Variants in ANKS1A observed in about 807,000 individuals in gnomAD.
ANKS1A encodes ankyrin repeat and SAM domain-containing protein 1A.
ANKS1A carries 55 observed loss-of-function variants against 120.3 expected under a neutral mutation model. That is an observed-to-expected ratio of 0.46 (90% CI 0.37 to 0.57). The LOEUF is 0.57. Ranked by LOEUF, ANKS1A falls within the 20% of genes least tolerant of loss-of-function variation. The probability of loss-of-function intolerance (pLI) is 0.00; values close to 1 mark genes in which losing one functional copy is unlikely to be tolerated. For missense variants in ANKS1A, 1,123 were observed against 1,480.3 expected, an observed-to-expected ratio of 0.76 and a Z score of 3.96; for synonymous variants, 590 against 604.7, an observed-to-expected ratio of 0.98 and a Z score of 0.36.
chr6:34,982,682 C>T lies in ANKS1A; in HGVS notation c.733-70C>T. 4.1e-6 allele frequency: 6 copies of T among 1,454,150 alleles called. No individual in the cohort carries two copies. The highest frequency in any genetic ancestry group is 2.3e-5 in the East Asian group (1 of 43,996). 90.1% of individuals were successfully genotyped at this position (1,454,150 alleles called of 1,614,324 possible). ...TTTGTGTCCCTTCTTGTCTGTGTCC[C>T]CTTTGTCACGTGAAGCCGCACCAAA... On this transcript the variant is annotated intron_variant, in intron 4 of 23. Transcript: ENST00000360359. This position sits in a 1 kb window ranked among gnomAD's most constrained non-coding sequence, Gnocchi z 4.9.
chr6:34,931,828 A>G (rs1198739590), intron 1 of ANKS1A, among the ~76,000 whole-genome samples: 1 of 152,228 alleles, frequency 6.6e-6, no homozygotes, highest in Non-Finnish European at 1.5e-5. Flanking sequence ...TCTGTGAAGG[A>G]CACTTGCAGA....
intron 16 of ANKS1A, 132 bp from the exon 17 acceptor site, chr6:35,080,862 T>C: frequency 9.1e-7 from 1 of 1,099,314 alleles, no homozygotes; most frequent in Admixed American, 2.4e-5. Flanking sequence ...CCTGTGGTGT[T>C]GGCCCCTTCG....
Position 35,017,570 on chromosome 6 carries a change from C to T in ANKS1A, c.1521C>T (p.Ser507=), listed in dbSNP as rs1774091829. ...EQFSGLLHGS[S]PVCEVGQDPF... Reference sequence around the variant, plus strand: ...TCTCAGGCCTCCTCCACGGCTCCTCCCCGGTGTGCGAGGTGGGGCAGGACC... The same window carrying T: ...TCTCAGGCCTCCTCCACGGCTCCTCTCCGGTGTGCGAGGTGGGGCAGGACC... Residue 507 remains serine, a synonymous_variant, in exon 11 of 24, where the codon TCC becomes TCT. Transcript: ENST00000360359. The T allele has an allele frequency of 1.9e-6, 3 of 1,613,954 alleles. No individual in the cohort carries two copies. The highest frequency in any genetic ancestry group is 1.3e-5 in the African/African-American group (1 of 74,938).
chr6:35,097,979 G>GT, the ANKS1A span, among the ~76,000 whole-genome samples: 1 of 152,220 alleles, frequency 6.6e-6, no homozygotes, highest in Admixed American at 6.5e-5. Flanking sequence ...TGTCAGAAGC[G>GT]TAAGTTGGAT....
intron 1 of ANKS1A, among the ~76,000 whole-genome samples, chr6:34,916,638 A>G (rs1768180810): frequency 6.6e-6 from 1 of 152,218 alleles, no homozygotes; most frequent in Admixed American, 6.5e-5. Context: ...GGTCTCTTGT[A>G]AAAGTCTTCC....
intron 13 of ANKS1A, among the ~76,000 whole-genome samples, chr6:35,077,452 T>C (rs1777427788): frequency 6.6e-6 from 1 of 152,224 alleles, no homozygotes; most frequent in Non-Finnish European, 1.5e-5. Context: ...TGTGCGAGAA[T>C]GGCATTTGTG....
At position 35,082,196 on chromosome 6, in the gene ANKS1A, T is replaced by C. The variant is rs1777720683; in HGVS notation, c.2710-495T>C. Among the ~76,000 whole-genome samples the C allele has an allele frequency of 6.6e-6, 1 of 151,712 alleles. No homozygotes were observed. Among genetic ancestry groups the C allele is most frequent in the Middle Eastern group, 3.2e-3 (1 of 316 alleles). On this transcript the variant is annotated intron_variant, in intron 17 of 23. Coordinates refer to ENST00000360359, the MANE Select transcript of ANKS1A (RefSeq NM_015245.3). The surrounding 1 kb of genome is among the most constrained non-coding windows in gnomAD (Gnocchi z 4.1). ...GACCGCAGTGGCCTCCCCCACCCCC[T>C]AGCTGCTGCCAGAAGGATCCATTTG...
At chr6:34,959,433 C>T (rs1463523131) in intron 1 of ANKS1A, among the ~76,000 whole-genome samples, 1 of 149,390 alleles carries the variant, frequency 6.7e-6, no homozygotes, top group Non-Finnish European at 1.5e-5. Flanking sequence ...TGGGCCAATT[C>T]CTTACATAGT....
At position 35,086,444 on chromosome 6, in the gene ANKS1A, C is replaced by T. The variant is rs1777987451; in HGVS notation, c.3303+508C>T. 1 of 1,012,204 alleles carries T rather than the reference C, an allele frequency of 9.9e-7. No homozygotes were observed. The highest frequency in any genetic ancestry group is 1.4e-6 in the Non-Finnish European group (1 of 735,632). The allele number at this position is 1,012,204 out of a possible 1,614,324, so 62.7% of individuals were successfully genotyped here. Reference sequence around the variant, plus strand: ...GAGCGCTCTTAGCCTCTGGCGGCCTCTCCCTCTGCCTGTGTGACATTCTTT... The same window carrying T: ...GAGCGCTCTTAGCCTCTGGCGGCCTTTCCCTCTGCCTGTGTGACATTCTTT... On this transcript the variant is annotated intron_variant, in intron 22 of 23. Transcript: ENST00000360359. This position sits in a 1 kb window ranked among gnomAD's most constrained non-coding sequence, Gnocchi z 5.1.
At chr6:34,969,975 G>A (rs1488483075) in intron 2 of ANKS1A, 35 bp from the exon 3 acceptor site, 1 of 1,606,156 alleles carries the variant, frequency 6.2e-7, no homozygotes, top group African/African-American at 1.3e-5. Flanking sequence ...AGACTTCTGA[G>A]TTCTACCAAC....
intron 1 of ANKS1A, among the ~76,000 whole-genome samples, chr6:34,937,990 C>G (rs539923977): frequency 6.6e-6 from 1 of 152,276 alleles, no homozygotes; most frequent in East Asian, 1.9e-4. Flanking sequence ...TTCTCCCACC[C>G]TACCCCACAC....
At chr6:35,095,556 CAA>C (rs34931330), downstream of ANKS1A, among the ~76,000 whole-genome samples, 4 of 55,288 alleles carry the variant, frequency 7.2e-5, no homozygotes, top group African/African-American at 2.7e-4. Context: ...GACTGTGTCA[CAA>C]AAAAAAAAAA....
chr6:35,006,114 G>C (rs1468854084), intron 10 of ANKS1A, among the ~76,000 whole-genome samples: 2 of 151,372 alleles, frequency 1.3e-5, no homozygotes, highest in Non-Finnish European at 2.9e-5. Context: ...CTTGAACCCG[G>C]GAGGCAGAGG....
chr6:34,948,759 A>G (rs1769925705), intron 1 of ANKS1A, among the ~76,000 whole-genome samples: 1 of 152,172 alleles, frequency 6.6e-6, no homozygotes, highest in African/African-American at 2.4e-5. Context: ...GTGAAAAGTA[A>G]ACAAAACAAT....
intron 1 of ANKS1A, among the ~76,000 whole-genome samples, chr6:34,937,950 G>C (rs952891667): frequency 3.9e-5 from 6 of 152,066 alleles, no homozygotes; most frequent in African/African-American, 1.5e-4. Flanking sequence ...GAATTTCCTA[G>C]CATATGATTT....
chr6:35,095,787 C>T (rs1045612424), downstream of ANKS1A, among the ~76,000 whole-genome samples: 3 of 152,054 alleles, frequency 2.0e-5, no homozygotes, highest in African/African-American at 4.8e-5. Flanking sequence ...CAAAAAAATA[C>T]TTCTGCAAGG....
rs1778235252 is a variant in ANKS1A at position 35,090,368 on chromosome 6, G to A, written c.*1759G>A. On this transcript the variant is annotated 3_prime_UTR_variant, in exon 24 of 24. Transcript: ENST00000360359. ...TGCTGGTGCCCGTCTTCCTCCTAAG[G>A]GGCCAGGCCACATCCAAGTGGGCCT... 2.4e-6 allele frequency: 3 copies of A among 1,250,756 alleles called. No individual in the cohort carries two copies. Among genetic ancestry groups the A allele is most frequent in the South Asian group, 2.7e-5 (2 of 75,420 alleles). 77.5% of individuals were successfully genotyped at this position (1,250,756 alleles called of 1,614,324 possible). A position where few individuals can be genotyped will look rare whatever the true frequency, so the allele number is the denominator to read the frequency against.
intron 1 of ANKS1A, among the ~76,000 whole-genome samples, chr6:34,914,543 G>T (rs1768067046): frequency 6.6e-6 from 1 of 152,090 alleles, no homozygotes; most frequent in South Asian, 2.1e-4. Flanking sequence ...AGGGCAAAAA[G>T]GAAACAGTTT....
At chr6:35,000,618 T>C (rs960685386) in intron 10 of ANKS1A, among the ~76,000 whole-genome samples, 1 of 152,116 alleles carries the variant, frequency 6.6e-6, no homozygotes, top group Non-Finnish European at 1.5e-5. Flanking sequence ...AGTTGAGACA[T>C]GTTGAAGAAT....
Sources: gnomAD v4.1 joint callset for allele counts (sites outside exome capture counted in the v4.1 genomes callset) on GRCh38, gnomAD v4.1.1 for gene constraint, Gnocchi (gnomAD v3.1) non-coding constraint, MANE v1.5 for transcripts, NCBI Gene and HGNC (gene_info 2026-07-23, HGNC 2026-07-21) for gene names.